NPAS3: variants seen among roughly 807,000 people sequenced by gnomAD.
The protein encoded by NPAS3 is neuronal PAS domain-containing protein 3.
A neutral mutation model predicts 73.1 loss-of-function variants in NPAS3; 14 were observed. The observed-to-expected ratio is 0.19, with a 90% CI of 0.13 to 0.30. The LOEUF (loss-of-function observed/expected upper bound fraction) is 0.30. Ranked by LOEUF, NPAS3 falls within the 10% of genes least tolerant of loss-of-function variation. The probability of loss-of-function intolerance (pLI) is 1.00; values close to 1 mark genes in which losing one functional copy is unlikely to be tolerated. For synonymous variants in NPAS3, 620 were observed against 541.5 expected, an observed-to-expected ratio of 1.14 and a Z score of -2.01; for missense variants, 1,096 against 1,250.0, an observed-to-expected ratio of 0.88 and a Z score of 1.86.
At chr14:33,340,324 G>C (rs939127378) in intron 3 of NPAS3, among the ~76,000 whole-genome samples, 20 of 152,072 alleles carry the variant, frequency 1.3e-4, no homozygotes, top group African/African-American at 4.6e-4. Flanking sequence ...GCGAAACCCT[G>C]TCTCTACTAA....
intron 6 of NPAS3, among the ~76,000 whole-genome samples, chr14:33,693,457 T>C (rs1316084094): frequency 1.3e-5 from 2 of 152,186 alleles, no homozygotes; most frequent in Non-Finnish European, 1.5e-5. Context: ...ATCTAGAGAC[T>C]GTGTTTACAT....
At chr14:33,675,269 T>C (rs1166216187) in intron 5 of NPAS3, among the ~76,000 whole-genome samples, 2 of 152,148 alleles carry the variant, frequency 1.3e-5, no homozygotes, top group African/African-American at 4.8e-5. Context: ...GGAGATAAAA[T>C]TTAGAGCATT....
At chr14:33,106,847 G>A (rs1289553087) in intron 2 of NPAS3, among the ~76,000 whole-genome samples, 1 of 152,116 alleles carries the variant, frequency 6.6e-6, no homozygotes, top group East Asian at 1.9e-4. Context: ...TCTGAATGCT[G>A]CTAGACAGAT....
intron 6 of NPAS3, among the ~76,000 whole-genome samples, chr14:33,725,645 C>G (rs2061244675): frequency 1.3e-5 from 2 of 152,128 alleles, no homozygotes; most frequent in South Asian, 4.1e-4. Context: ...TGCTAGTCTC[C>G]AGCTCATCAT....
At chr14:33,093,789 A>G (rs2042311707) in intron 2 of NPAS3, among the ~76,000 whole-genome samples, 1 of 152,212 alleles carries the variant, frequency 6.6e-6, no homozygotes. Flanking sequence ...CTATGCAGCT[A>G]CAAAAAAGGA....
At chr14:33,582,035 T>C (rs992829016) in intron 5 of NPAS3, 1 of 152,242 alleles carries the variant, frequency 6.6e-6, no homozygotes, top group African/African-American at 2.4e-5. Flanking sequence ...CTGTCAAATA[T>C]ACTCACGGCA....
chr14:33,146,305 G>C (rs2044235430), intron 2 of NPAS3, among the ~76,000 whole-genome samples: 1 of 152,170 alleles, frequency 6.6e-6, no homozygotes, highest in East Asian at 1.9e-4. Flanking sequence ...TTGCGTAACT[G>C]TTCTACCACT....
chr14:32,956,808 A>G (rs550209191), intron 1 of NPAS3, among the ~76,000 whole-genome samples: 1 of 152,340 alleles, frequency 6.6e-6, no homozygotes, highest in South Asian at 2.1e-4. Flanking sequence ...TGATATGTTT[A>G]TGTATATACC....
At chr14:33,123,136 A>G (rs1889760) in intron 2 of NPAS3, among the ~76,000 whole-genome samples, 38,116 of 152,010 alleles carry the variant, frequency 0.25, 5,312 homozygotes, top group Non-Finnish European at 0.32. Context: ...AAATAATAGT[A>G]TTTTATGTAG....
intron 4 of NPAS3, among the ~76,000 whole-genome samples, chr14:33,387,724 A>G (rs1646238921): frequency 6.6e-6 from 1 of 152,126 alleles, no homozygotes; most frequent in East Asian, 1.9e-4. Flanking sequence ...TCATATCACA[A>G]GGGCCTCTCA....
chr14:33,555,714 G>A (rs533964600), intron 4 of NPAS3, among the ~76,000 whole-genome samples: 1 of 152,306 alleles, frequency 6.6e-6, no homozygotes. Context: ...TCAGAAGGTA[G>A]TGGCTATGAG....
chr14:33,627,414 G>A (rs1435708314), intron 5 of NPAS3, among the ~76,000 whole-genome samples: 1 of 151,906 alleles, frequency 6.6e-6, no homozygotes, highest in Non-Finnish European at 1.5e-5. Flanking sequence ...TTTCTGTATC[G>A]GGATGCACCT....
chr14:33,045,725 A>C (rs2040485491), intron 1 of NPAS3, among the ~76,000 whole-genome samples: 1 of 152,314 alleles, frequency 6.6e-6, no homozygotes, highest in Non-Finnish European at 1.5e-5. Flanking sequence ...TTCAGCTAAA[A>C]ATAGTATGGG....
intron 3 of NPAS3, among the ~76,000 whole-genome samples, chr14:33,281,781 T>C (rs532609599): frequency 1.3e-5 from 2 of 152,214 alleles, no homozygotes; most frequent in Non-Finnish European, 2.9e-5. Context: ...TTAACTTCAA[T>C]ATAATTTAAA....
At chr14:33,009,121 G>A (rs536833623) in intron 1 of NPAS3, among the ~76,000 whole-genome samples, 43 of 152,272 alleles carry the variant, frequency 2.8e-4, no homozygotes, top group African/African-American at 1.0e-3. Context: ...TTTCAATCTA[G>A]CAAGTATTTC....
intron 3 of NPAS3, among the ~76,000 whole-genome samples, chr14:33,272,645 G>A (rs2041147116): frequency 6.6e-6 from 1 of 152,180 alleles, no homozygotes; most frequent in South Asian, 2.1e-4. Flanking sequence ...TTGAACTCCT[G>A]ATCTCAAGTG....
At chr14:33,782,804 C>G (rs778228434) in intron 9 of NPAS3, among the ~76,000 whole-genome samples, 1 of 143,326 alleles carries the variant, frequency 7.0e-6, no homozygotes, top group African/African-American at 2.5e-5. Context: ...ATCCAACATA[C>G]TTGGGGGTTG....
At chr14:33,106,904 C>G (rs921004346) in intron 2 of NPAS3, among the ~76,000 whole-genome samples, 3 of 152,050 alleles carry the variant, frequency 2.0e-5, no homozygotes, top group African/African-American at 7.2e-5. Context: ...CTTACAGTGA[C>G]ACATCTGAAA....
intron 4 of NPAS3, among the ~76,000 whole-genome samples, chr14:33,527,438 G>T (rs1356840362): frequency 6.6e-6 from 1 of 152,134 alleles, no homozygotes; most frequent in Non-Finnish European, 1.5e-5. Context: ...AACAAAATAA[G>T]ATGTTATCTC....
Sources: gnomAD v4.1 joint callset for allele counts (sites outside exome capture counted in the v4.1 genomes callset) on GRCh38, gnomAD v4.1.1 for gene constraint, MANE v1.5 for transcripts, NCBI Gene and HGNC (gene_info 2026-07-23, HGNC 2026-07-21) for gene names.